PTPRD: variants seen among roughly 807,000 people sequenced by gnomAD.
PTPRD encodes protein tyrosine phosphatase receptor type D.
Under a neutral mutation model 214.5 loss-of-function variants are expected in PTPRD, and 34 were observed. That is an observed-to-expected ratio of 0.16 (90% confidence interval 0.12 to 0.21). PTPRD has a LOEUF of 0.21. PTPRD is among the 10% of genes least tolerant of loss of function. PTPRD has a pLI of 1.00. For missense variants in PTPRD, 2,545 were observed against 2,398.7 expected (o/e 1.06, Z -1.27); for synonymous variants, 1,128 against 845.7 (o/e 1.33, Z -5.79).
intron 9 of PTPRD, among the ~76,000 whole-genome samples, chr9:9,365,886 AAATT>A (rs1396906239): frequency 6.6e-6 from 1 of 151,610 alleles, no homozygotes; most frequent in East Asian, 1.9e-4. Context: ...GAATATAAAT[AAATT>A]AATTCATTCA....
At chr9:8,694,822 C>G (rs1206883095) in intron 12 of PTPRD, among the ~76,000 whole-genome samples, 1 of 151,738 alleles carries the variant, frequency 6.6e-6, no homozygotes, top group Non-Finnish European at 1.5e-5. Context: ...AAATATGTAC[C>G]TTCTTTGTTG....
chr9:9,132,535 G>GA (rs2099844396), intron 10 of PTPRD, among the ~76,000 whole-genome samples: 7 of 151,986 alleles, frequency 4.6e-5, no homozygotes, highest in Admixed American at 6.6e-5. Context: ...AATGGAGCTG[G>GA]AAAAAAGTAT....
At chr9:8,437,933 T>A (rs904144239) in intron 34 of PTPRD, among the ~76,000 whole-genome samples, 7 of 152,226 alleles carry the variant, frequency 4.6e-5, no homozygotes, top group Admixed American at 1.3e-4. Context: ...TTCTTTCCTA[T>A]TAATTTTACA....
chr9:10,014,515 T>C (rs1040938311), intron 4 of PTPRD, among the ~76,000 whole-genome samples: 2 of 152,020 alleles, frequency 1.3e-5, no homozygotes, highest in Non-Finnish European at 2.9e-5. Context: ...TGAAAGACAA[T>C]TGTATTCACT....
intron 21 of PTPRD, 44 bp from the exon 22 acceptor site, chr9:8,507,478 G>T: frequency 6.2e-7 from 1 of 1,611,624 alleles, no homozygotes; most frequent in Non-Finnish European, 8.5e-7. Context: ...ATCACCAGGA[G>T]TATTCACAAA....
intron 7 of PTPRD, among the ~76,000 whole-genome samples, chr9:9,720,896 T>C (rs2097924202): frequency 6.6e-6 from 1 of 152,090 alleles, no homozygotes; most frequent in Non-Finnish European, 1.5e-5. Context: ...CACGGACATA[T>C]ACCCCATGTT....
chr9:9,303,819 ACAAACACTGG>A (rs1956258364), intron 9 of PTPRD, among the ~76,000 whole-genome samples: 1 of 152,144 alleles, frequency 6.6e-6, no homozygotes. Flanking sequence ...AGGCAAACAA[ACAAACACTGG>A]CAACCACATT....
At chr9:8,721,429 C>CAAAA in intron 12 of PTPRD, among the ~76,000 whole-genome samples, 1 of 97,330 alleles carries the variant, frequency 1.0e-5, no homozygotes, top group African/African-American at 3.6e-5. Context: ...GACTCCATTT[C>CAAAA]AAAAAAAAAA....
chr9:8,573,336 C>T (rs1258981641), intron 14 of PTPRD, among the ~76,000 whole-genome samples: 1 of 151,850 alleles, frequency 6.6e-6, no homozygotes, highest in African/African-American at 2.4e-5. Flanking sequence ...TATATTTATT[C>T]CTGAAATGAA....
At position 8,673,128 on chromosome 9, in the gene PTPRD, A is replaced by AT. The variant is rs59423516; in HGVS notation, c.65-36285dup. Among the ~76,000 whole-genome samples the AT allele has an allele frequency of 4.1e-3, 607 of 147,980 alleles. 4 individuals carry two copies. The highest frequency in any genetic ancestry group is 0.025 in the South Asian group (117 of 4,692). On this transcript the variant is annotated intron_variant, in intron 12 of 45. Transcript: ENST00000381196. The stretch of plus-strand genomic sequence containing the variant: ...ATTTCAAGCTAATTTGTATTAGCTG[A>AT]TTTTTTTTTTTCTCTGAGAATATCA...
intron 11 of PTPRD, among the ~76,000 whole-genome samples, chr9:8,998,664 T>C (rs1008093123): frequency 9.2e-5 from 14 of 152,090 alleles, no homozygotes; most frequent in African/African-American, 3.4e-4. Flanking sequence ...TCTTATTATT[T>C]AATAAACACA....
At chr9:8,451,961 T>G in intron 33 of PTPRD, 1 of 431,376 alleles carries the variant, frequency 2.3e-6, no homozygotes, top group Non-Finnish European at 4.6e-6. Context: ...GACACTGAGC[T>G]GGAGGGTAGA....
At chr9:9,490,201 T>A (rs2095839624) in intron 8 of PTPRD, among the ~76,000 whole-genome samples, 1 of 152,016 alleles carries the variant, frequency 6.6e-6, no homozygotes, top group Non-Finnish European at 1.5e-5. Flanking sequence ...CATTCACAGA[T>A]AAACAAAGTT....
intron 8 of PTPRD, among the ~76,000 whole-genome samples, chr9:9,420,756 A>G (rs1246937723): frequency 6.6e-6 from 1 of 151,970 alleles, no homozygotes; most frequent in Non-Finnish European, 1.5e-5. Context: ...AATATTTATG[A>G]CATGGAAAGA....
At chr9:10,063,108 GTAGGAATC>G (rs1175809749) in intron 3 of PTPRD, among the ~76,000 whole-genome samples, 1 of 152,046 alleles carries the variant, frequency 6.6e-6, no homozygotes, top group Non-Finnish European at 1.5e-5. Flanking sequence ...TTAATTAGCA[GTAGGAATC>G]GACTGTACCA....
intron 10 of PTPRD, among the ~76,000 whole-genome samples, chr9:9,175,641 A>AAAAACAC (rs2099924330): frequency 7.1e-6 from 1 of 140,364 alleles, no homozygotes; most frequent in African/African-American, 2.6e-5. Context: ...AAAAAAAAAA[A>AAAAACAC]AAAAAAAAAG....
chr9:9,203,988 CT>C (rs1245855673), intron 9 of PTPRD, among the ~76,000 whole-genome samples: 2 of 152,156 alleles, frequency 1.3e-5, no homozygotes, highest in African/African-American at 2.4e-5. Context: ...CAATATATCT[CT>C]GATTTGGGGA....
chr9:8,539,624 C>G (rs1016026217), intron 14 of PTPRD, among the ~76,000 whole-genome samples: 1 of 152,058 alleles, frequency 6.6e-6, no homozygotes, highest in East Asian at 1.9e-4. Context: ...AATTCAAATT[C>G]TTGTGCTGAG....
intron 14 of PTPRD, among the ~76,000 whole-genome samples, chr9:8,582,101 G>T (rs922997888): frequency 2.0e-5 from 3 of 152,020 alleles, no homozygotes; most frequent in African/African-American, 7.2e-5. Flanking sequence ...AAATGGTAAT[G>T]ACAAATCAGA....
Sources: allele counts gnomAD v4.1 joint callset (sites outside exome capture counted in the v4.1 genomes callset), GRCh38; gene constraint gnomAD v4.1.1; transcripts MANE v1.5; gene names NCBI Gene and HGNC (gene_info 2026-07-23, HGNC 2026-07-21).